Variants in CNBD1 observed in about 807,000 individuals in gnomAD.
CNBD1 encodes cyclic nucleotide binding domain containing 1.
In CNBD1, 71 loss-of-function variants were observed where a neutral mutation model predicts 54.4. The observed-to-expected ratio is 1.30, with a 90% CI of 1.08 to 1.59. The LOEUF (loss-of-function observed/expected upper bound fraction) is 1.59. Ranked by LOEUF, CNBD1 falls within the 40% of genes most tolerant of loss-of-function variation. The pLI is 0.00. For missense variants in CNBD1, 659 were observed against 518.0 expected (o/e 1.27, Z -2.64); for synonymous variants, 182 against 170.7 (o/e 1.07, Z -0.51).
chr8:87,315,123 CAGAA>C (rs1438605297), intron 8 of CNBD1, among the ~76,000 whole-genome samples: 2 of 141,272 alleles, frequency 1.4e-5, no homozygotes, highest in Non-Finnish European at 1.5e-5. Context: ...AGAACTAAGT[CAGAA>C]AGAAAAAAAT....
chr8:87,027,350 C>A (rs1252350992), intron 4 of CNBD1, among the ~76,000 whole-genome samples: 1 of 152,118 alleles, frequency 6.6e-6, no homozygotes, highest in Non-Finnish European at 1.5e-5. Flanking sequence ...CGGCTCACTG[C>A]AACCACCGTC....
At chr8:86,882,805 T>G (rs1347384841) in intron 1 of CNBD1, among the ~76,000 whole-genome samples, 1 of 151,950 alleles carries the variant, frequency 6.6e-6, no homozygotes, top group Non-Finnish European at 1.5e-5. Context: ...GTAAAGAAAA[T>G]GTGGTACATA....
In CNBD1 at chr8:87,281,364, T is replaced by C. The variant is rs1333441154; in HGVS notation, c.772-3314T>C. Among the ~76,000 whole-genome samples, 3 of 151,278 alleles carry C rather than the reference T, an allele frequency of 2.0e-5. No individual in the cohort carries two copies. In the South Asian group the frequency reaches 6.2e-4, roughly 31 times the overall value. Reference sequence around the variant, plus strand: ...TAGCTCCATCACTATCCCCTGAACATATGAACCATATCAGCCTGACATGTA... The same window carrying C: ...TAGCTCCATCACTATCCCCTGAACACATGAACCATATCAGCCTGACATGTA... On this transcript the variant is annotated intron_variant, in intron 6 of 10. Coordinates refer to ENST00000518476, the MANE Select transcript of CNBD1 (RefSeq NM_173538.3).
At chr8:87,026,534 C>T (rs1272464364) in intron 4 of CNBD1, among the ~76,000 whole-genome samples, 1 of 151,996 alleles carries the variant, frequency 6.6e-6, no homozygotes, top group Non-Finnish European at 1.5e-5. Flanking sequence ...GTTTATATTT[C>T]AAAATAAAAT....
intron 8 of CNBD1, among the ~76,000 whole-genome samples, chr8:87,325,538 A>G (rs958913094): frequency 8.7e-6 from 1 of 114,490 alleles, no homozygotes; most frequent in African/African-American, 4.0e-5. Context: ...TGTTGAATTG[A>G]TCCCTTTACC....
At chr8:87,027,560 G>A (rs372332454) in intron 4 of CNBD1, among the ~76,000 whole-genome samples, 23 of 152,172 alleles carry the variant, frequency 1.5e-4, no homozygotes, top group African/African-American at 5.1e-4. Flanking sequence ...ATGAGCCACC[G>A]TGCCTGGCCT....
intron 6 of CNBD1, among the ~76,000 whole-genome samples, chr8:87,238,533 C>T (rs1387186558): frequency 6.6e-6 from 1 of 152,106 alleles, no homozygotes; most frequent in Admixed American, 6.6e-5. Flanking sequence ...TACAGCTCCA[C>T]TTCTCCATCA....
intron 4 of CNBD1, among the ~76,000 whole-genome samples, chr8:87,165,537 A>T (rs1034115133): frequency 1.3e-5 from 2 of 152,006 alleles, no homozygotes; most frequent in African/African-American, 4.8e-5. Flanking sequence ...TTTCTGACTT[A>T]AAATCTATCT....
chr8:87,221,172 T>G (rs1318209915), intron 5 of CNBD1, among the ~76,000 whole-genome samples: 1 of 152,170 alleles, frequency 6.6e-6, no homozygotes, highest in African/African-American at 2.4e-5. Flanking sequence ...GGATAAGTTG[T>G]CTATGAGATG....
At chr8:87,294,463 C>T (rs777938064) in intron 8 of CNBD1, among the ~76,000 whole-genome samples, 13 of 152,134 alleles carry the variant, frequency 8.5e-5, no homozygotes, top group Non-Finnish European at 1.6e-4. Flanking sequence ...CCTGTGCTCT[C>T]ACCCACCACC....
At chr8:87,057,691 A>T (rs185603601) in intron 4 of CNBD1, among the ~76,000 whole-genome samples, 64 of 152,210 alleles carry the variant, frequency 4.2e-4, no homozygotes, top group African/African-American at 1.5e-3. Flanking sequence ...CCTACTAATA[A>T]TACAAAAATT....
At chr8:87,232,995 A>C (rs916525645) in intron 5 of CNBD1, among the ~76,000 whole-genome samples, 6 of 152,188 alleles carry the variant, frequency 3.9e-5, no homozygotes, top group African/African-American at 1.4e-4. Flanking sequence ...AAATTTCACT[A>C]ATTTAAATTG....
At chr8:87,193,966 C>G (rs1813661995) in intron 4 of CNBD1, among the ~76,000 whole-genome samples, 1 of 152,144 alleles carries the variant, frequency 6.6e-6, no homozygotes, top group East Asian at 1.9e-4. Context: ...GATACAGTGT[C>G]TCCTAAGGAA....
At chr8:86,916,685 G>A (rs1346796502) in intron 3 of CNBD1, among the ~76,000 whole-genome samples, 7 of 151,706 alleles carry the variant, frequency 4.6e-5, no homozygotes, top group Admixed American at 3.9e-4. Context: ...TCTGGTGCTG[G>A]CTGCAACATT....
At chr8:87,109,809 A>T (rs561178965) in intron 4 of CNBD1, among the ~76,000 whole-genome samples, 1 of 152,062 alleles carries the variant, frequency 6.6e-6, no homozygotes, top group Non-Finnish European at 1.5e-5. Context: ...AAGTGCTGGG[A>T]TTACAAGTGT....
At chr8:87,258,999 C>G (rs776590370) in intron 6 of CNBD1, among the ~76,000 whole-genome samples, 1 of 152,168 alleles carries the variant, frequency 6.6e-6, no homozygotes, top group Non-Finnish European at 1.5e-5. Flanking sequence ...TTTACATTCT[C>G]ATACCTTCTA....
rs186355542 is a variant in CNBD1 at position 87,364,042 on chromosome 8, G to T, written c.1303+10256G>T. On this transcript the variant is annotated intron_variant, in intron 10 of 10. Transcript: ENST00000518476. ...ACCATTTGCTGGCTCAAATGTTGTT[G>T]TTTTCTAAGGTGTTTCTCAACATAT... Among the ~76,000 whole-genome samples the T allele has an allele frequency of 5.7e-4, 85 of 150,168 alleles. 1 individual carries two copies. The highest frequency in any genetic ancestry group is 1.8e-3 in the African/African-American group (72 of 40,534).
intron 4 of CNBD1, among the ~76,000 whole-genome samples, chr8:87,049,102 G>A: frequency 6.6e-6 from 1 of 152,168 alleles, no homozygotes; most frequent in East Asian, 1.9e-4. Flanking sequence ...CTCTTATGGA[G>A]CCCTCCCAGA....
chr8:87,365,144 T>G (rs113330594), intron 10 of CNBD1, among the ~76,000 whole-genome samples: 21 of 152,158 alleles, frequency 1.4e-4, no homozygotes, highest in African/African-American at 5.1e-4. Flanking sequence ...TCCACAACCT[T>G]GCCAGCATCT....
Sources: allele counts gnomAD v4.1 joint callset (sites outside exome capture counted in the v4.1 genomes callset), GRCh38; gene constraint gnomAD v4.1.1; transcripts MANE v1.5; gene names NCBI Gene and HGNC (gene_info 2026-07-23, HGNC 2026-07-21).